Variants in ZFYVE27 observed in about 807,000 individuals in gnomAD.
The protein encoded by ZFYVE27 is zinc finger FYVE-type containing 27.
Under a neutral mutation model 52.8 loss-of-function variants are expected in ZFYVE27, and 36 were observed. That is an observed-to-expected ratio of 0.68 (90% CI 0.52 to 0.90). The LOEUF is 0.90. ZFYVE27 is among the 40% of genes least tolerant of loss of function. The pLI is 0.00. For missense variants in ZFYVE27, 450 were observed against 527.2 expected (o/e 0.85, Z 1.43); for synonymous variants, 223 against 215.6 (o/e 1.03, Z -0.30).
chr10:97,746,793 G>T (rs1223675325), intron 4 of ZFYVE27, among the ~76,000 whole-genome samples: 1 of 151,690 alleles, frequency 6.6e-6, no homozygotes, highest in Non-Finnish European at 1.5e-5. Flanking sequence ...GGACTCAAGT[G>T]ATCCTTCTGC....
rs201200472 is a variant in ZFYVE27 at position 97,751,455 on chromosome 10, C to T, written c.869C>T (p.Ala290Val). The change falls in exon 8 of 13, where the codon GCG becomes GTG. Residue 290 changes from alanine (A) to valine (V), a missense_variant. Coordinates refer to ENST00000684270, the MANE Select transcript of ZFYVE27 (RefSeq NM_001385875.1). Reference sequence around the variant, plus strand: ...GAGCCAGATGAAGAGTTTAAAGATGCGATTGAGGTGGGTGGCCCTTCCCCA... The same window carrying T: ...GAGCCAGATGAAGAGTTTAAAGATGTGATTGAGGTGGGTGGCCCTTCCCCA... The part of the protein sequence containing the change: ...EAEPDEEFKD[A>V]IEETHLVVLE... 42 of 1,613,608 alleles carry T rather than the reference C, an allele frequency of 2.6e-5. No individual in the cohort carries two copies. The highest frequency in any genetic ancestry group is 6.7e-5 in the Admixed American group (4 of 59,998).
chr10:97,743,152 A>G lies in ZFYVE27; in HGVS notation c.256A>G (p.Thr86Ala), dbSNP rs2044204578. ...TCLGLNVLFLTLNEGAWYSVG... is the reference protein window; with the variant it reads ...TCLGLNVLFLALNEGAWYSVG... The stretch of plus-strand genomic sequence containing the variant: ...CCTGGGCCTCAACGTCTTGTTCCTC[A>G]CTTTGAATGAGGGTAAGAACTGCCT... The change falls in exon 3 of 13, where the codon ACT becomes GCT. Residue 86 changes from threonine (T) to alanine (A), a missense_variant. By Grantham distance (58) the Thr-to-Ala change is moderately conservative. Transcript: ENST00000684270. 6.2e-7 allele frequency: 1 copy of G among 1,614,092 alleles called. No individual in the cohort carries two copies. The highest frequency in any genetic ancestry group is 8.5e-7 in the Non-Finnish European group (1 of 1,180,014).
chr10:97,757,842 G>T, intron 12 of ZFYVE27, 119 bp downstream of exon 12: 2 of 983,986 alleles, frequency 2.0e-6, no homozygotes, highest in African/African-American at 1.6e-5. Flanking sequence ...TCAGGCCTAC[G>T]GGAACGTTTC....
intron 8 of ZFYVE27, among the ~76,000 whole-genome samples, chr10:97,752,012 A>G (rs1210988458): frequency 6.6e-6 from 1 of 152,136 alleles, no homozygotes; most frequent in Non-Finnish European, 1.5e-5. Context: ...TTAAATATGG[A>G]GAGATTTTTA....
chr10:97,752,386 T>C (rs976903389), intron 8 of ZFYVE27, among the ~76,000 whole-genome samples: 1 of 152,162 alleles, frequency 6.6e-6, no homozygotes, highest in Non-Finnish European at 1.5e-5. Context: ...AAAAGATTGC[T>C]CCAAAACTTT....
At chr10:97,742,113 G>A (rs2043836208) in intron 2 of ZFYVE27, among the ~76,000 whole-genome samples, 1 of 146,938 alleles carries the variant, frequency 6.8e-6, no homozygotes, top group Non-Finnish European at 1.5e-5. Context: ...CTGGGCAACA[G>A]AGCGAGACTC....
Position 97,752,839 on chromosome 10 carries a change from C to T in ZFYVE27, c.877-18C>T. On this transcript the variant is annotated intron_variant, in intron 8 of 12. Coordinates refer to ENST00000684270, the MANE Select transcript of ZFYVE27 (RefSeq NM_001385875.1). ...TTCTTTCTGTTTTCTCTCCTCTTCC[C>T]CGCACCTTGGGAGGCAGGAGACCCA... is the stretch of plus-strand genomic sequence containing the variant. 1 of 1,613,858 alleles carries T rather than the reference C, an allele frequency of 6.2e-7. No individual in the cohort carries two copies. The highest frequency in any genetic ancestry group is 8.5e-7 in the Non-Finnish European group (1 of 1,179,952).
At chr10:97,759,198 G>T (rs761504631) in intron 12 of ZFYVE27, 38 bp from the exon 13 acceptor site, 4 of 1,612,444 alleles carry the variant, frequency 2.5e-6, no homozygotes, top group African/African-American at 1.3e-5. Flanking sequence ...ACCAAAGGGC[G>T]CAAGGAAATG....
At position 97,753,254 on chromosome 10, in the gene ZFYVE27, C is replaced by G. The variant is rs2136267683; in HGVS notation, c.1042+72C>G. 1.7e-5 allele frequency: 26 copies of G among 1,549,212 alleles called. No individual in the cohort carries two copies. In the South Asian group the frequency reaches 3.0e-4, roughly 18 times the overall value. ...CTTCTGGGACTCTAGTGGGGAACACCCAGCCACAGGGGCAGAGTCTCAGAA... is the reference window on the plus strand; with the variant it reads ...CTTCTGGGACTCTAGTGGGGAACACGCAGCCACAGGGGCAGAGTCTCAGAA... On this transcript the variant is annotated intron_variant, in intron 10 of 12. Transcript: ENST00000684270.
chr10:97,756,953 G>A (rs2048494055), intron 10 of ZFYVE27, among the ~76,000 whole-genome samples: 1 of 152,210 alleles, frequency 6.6e-6, no homozygotes, highest in African/African-American at 2.4e-5. Context: ...CAGCTTAGCT[G>A]GCTTTCTTGG....
At chr10:97,752,828 T>C (rs2047339882) in intron 8 of ZFYVE27, 29 bp from the exon 9 acceptor site, 10 of 1,604,618 alleles carry the variant, frequency 6.2e-6, no homozygotes, top group Non-Finnish European at 8.5e-6. Flanking sequence ...TTCTGTTTTC[T>C]CTCCTCTTCC....
rs533573811 is a variant in ZFYVE27, at chr10:97,742,493, G to A, written c.198-601G>A. Among the ~76,000 whole-genome samples the A allele has an allele frequency of 2.6e-5, 4 of 152,204 alleles. No individual in the cohort carries two copies. In the South Asian group the frequency reaches 8.3e-4, roughly 32 times the overall value. On this transcript the variant is annotated intron_variant, in intron 2 of 12. Coordinates refer to ENST00000684270, the MANE Select transcript of ZFYVE27 (RefSeq NM_001385875.1). ...AAGGTGTGATTGCTAAGTGAATGCT[G>A]CACCCTACTTTCATCTTGATTTTTA...
Position 97,757,144 on chromosome 10 carries a change from A to T in ZFYVE27, c.1043-121A>T, listed in dbSNP as rs1590108542. The stretch of plus-strand genomic sequence containing the variant: ...TGAATCTGGCCTTGCTCCCTGGCTC[A>T]CTGTGTCCAGCCAAGGAGGCTGGGC... On this transcript the variant is annotated intron_variant, in intron 10 of 12. Coordinates refer to ENST00000684270, the MANE Select transcript of ZFYVE27 (RefSeq NM_001385875.1). 1.2e-5 allele frequency: 17 copies of T among 1,406,172 alleles called. 1 individual carries two copies. The East Asian group carries it at 3.9e-4, about 32-fold the overall frequency. The allele number at this position is 1,406,172 out of a possible 1,614,324, so 87.1% of individuals were successfully genotyped here. A position where few individuals can be genotyped will look rare whatever the true frequency, so the allele number is the denominator to read the frequency against.
chr10:97,746,635 A>G (rs760153300), intron 4 of ZFYVE27, among the ~76,000 whole-genome samples: 17 of 152,188 alleles, frequency 1.1e-4, no homozygotes, highest in Middle Eastern at 3.4e-3. Context: ...GGATTTTACC[A>G]GTTGTATTAA....
At chr10:97,756,046 GC>G (rs1469370068) in intron 10 of ZFYVE27, among the ~76,000 whole-genome samples, 1 of 152,212 alleles carries the variant, frequency 6.6e-6, no homozygotes, top group Non-Finnish European at 1.5e-5. Flanking sequence ...GCCCTGGGGT[GC>G]TTGGCCCTGA....
At chr10:97,743,199 G>T in intron 3 of ZFYVE27, 35 bp downstream of exon 3, 1 of 1,612,326 alleles carries the variant, frequency 6.2e-7, no homozygotes, top group Non-Finnish European at 8.5e-7. Flanking sequence ...TGGTTTTTGT[G>T]AACGAATGTG....
At chr10:97,752,378 A>G (rs1174514818) in intron 8 of ZFYVE27, among the ~76,000 whole-genome samples, 1 of 152,212 alleles carries the variant, frequency 6.6e-6, no homozygotes, top group African/African-American at 2.4e-5. Context: ...TGATGGCTAA[A>G]AGATTGCTCC....
chr10:97,757,979 CAA>C (rs907284690), intron 12 of ZFYVE27: 97 of 475,440 alleles, frequency 2.0e-4, no homozygotes, highest in African/African-American at 1.8e-3. Flanking sequence ...AGTTGAAAAA[CAA>C]GAGCCCTGGC....
intron 2 of ZFYVE27, 191 bp downstream of exon 2, chr10:97,738,865 C>T (rs2042809926): frequency 1.6e-6 from 1 of 634,342 alleles, no homozygotes; most frequent in Admixed American, 2.5e-5. Context: ...CCAGGAGAGG[C>T]AGATACTGGG....
Sources: allele counts gnomAD v4.1 joint callset (sites outside exome capture counted in the v4.1 genomes callset), GRCh38; gene constraint gnomAD v4.1.1; transcripts MANE v1.5; gene names NCBI Gene and HGNC (gene_info 2026-07-23, HGNC 2026-07-21).